The following NHERF1 variants were observed in gnomAD, a reference collection of about 807,000 sequenced individuals.
The protein encoded by NHERF1 is NHERF family PDZ scaffold protein 1.
the NHERF1 span, among the ~76,000 whole-genome samples, chr17:74,752,809 C>T: frequency 2.6e-5 from 4 of 152,238 alleles, no homozygotes; most frequent in Non-Finnish European, 4.4e-5. Context: ...TTTTAATCAT[C>T]TGTTTGTGAC....
At chr17:74,764,808 G>GC in the NHERF1 span, among the ~76,000 whole-genome samples, 3 of 152,180 alleles carry the variant, frequency 2.0e-5, no homozygotes, top group Non-Finnish European at 4.4e-5. The surrounding 1 kb of genome is among the most constrained non-coding windows in gnomAD (Gnocchi z 4.9). Flanking sequence ...AGGGAGGAAT[G>GC]CCCCCCTCTC....
At chr17:74,754,997 A>G in the NHERF1 span, among the ~76,000 whole-genome samples, 2 of 152,178 alleles carry the variant, frequency 1.3e-5, no homozygotes, top group African/African-American at 2.4e-5. Context: ...TAAGGTGGCC[A>G]TGGCGGGTCC....
chr17:74,755,024 C>A, the NHERF1 span, among the ~76,000 whole-genome samples: 1 of 152,178 alleles, frequency 6.6e-6, no homozygotes, highest in African/African-American at 2.4e-5. Flanking sequence ...TCTGAGCTAG[C>A]GACTCCTCCC....
At chr17:74,748,673 C>CCTCGCGG in the NHERF1 span, 3 of 600,568 alleles carry the variant, frequency 5.0e-6, no homozygotes, top group Non-Finnish European at 8.6e-6. The surrounding 1 kb of genome is among the most constrained non-coding windows in gnomAD (Gnocchi z 4.3). Flanking sequence ...TCTCTCGGCT[C>CCTCGCGG]CTCGCGGCTC....
chr17:74,748,871 G>T, the NHERF1 span: 2 of 1,595,550 alleles, frequency 1.3e-6, no homozygotes, highest in Non-Finnish European at 1.7e-6. This position sits in a 1 kb window ranked among gnomAD's most constrained non-coding sequence, Gnocchi z 4.3. Flanking sequence ...AGCGGCCGGG[G>T]CGCCCCTGCC....
chr17:74,767,202 A>T, the NHERF1 span, among the ~76,000 whole-genome samples: 1 of 152,130 alleles, frequency 6.6e-6, no homozygotes, highest in African/African-American at 2.4e-5. Flanking sequence ...GCCCCTCTGC[A>T]GCCCGCCATC....
the NHERF1 span, among the ~76,000 whole-genome samples, chr17:74,749,736 AC>A: frequency 2.0e-5 from 3 of 152,042 alleles, no homozygotes; most frequent in African/African-American, 7.3e-5. The surrounding 1 kb of genome is among the most constrained non-coding windows in gnomAD (Gnocchi z 5.6). Context: ...CGCCACTCCT[AC>A]TTCAAAAGCT....
chr17:74,757,058 T>TACCAGCCTGCTCCATCCCAGGC, the NHERF1 span, among the ~76,000 whole-genome samples: 2 of 152,116 alleles, frequency 1.3e-5, no homozygotes, highest in African/African-American at 4.8e-5. Flanking sequence ...GCAGCCCAGG[T>TACCAGCCTGCTCCATCCCAGGC]ACCAGCCTGC....
At chr17:74,755,842 G>A in the NHERF1 span, among the ~76,000 whole-genome samples, 1 of 152,054 alleles carries the variant, frequency 6.6e-6, no homozygotes, top group African/African-American at 2.4e-5. Flanking sequence ...TGAAGCCATT[G>A]TACAAATAAA....
At chr17:74,761,709 CAG>C in the NHERF1 span, among the ~76,000 whole-genome samples, 1 of 152,206 alleles carries the variant, frequency 6.6e-6, no homozygotes, top group Non-Finnish European at 1.5e-5. The surrounding 1 kb of genome is among the most constrained non-coding windows in gnomAD (Gnocchi z 4.3). Context: ...CTTAGACTGT[CAG>C]AAGGGACAGG....
the NHERF1 span, among the ~76,000 whole-genome samples, chr17:74,759,713 C>T: frequency 2.0e-5 from 3 of 152,358 alleles, no homozygotes; most frequent in Non-Finnish European, 4.4e-5. Context: ...CCCTGTCTGC[C>T]CTCTGCTGCC....
the NHERF1 span, among the ~76,000 whole-genome samples, chr17:74,758,650 A>G: frequency 2.0e-5 from 3 of 152,018 alleles, no homozygotes; most frequent in African/African-American, 7.3e-5. The surrounding 1 kb of genome is among the most constrained non-coding windows in gnomAD (Gnocchi z 4.3). Context: ...TCCTCCCACC[A>G]TGCTTCGGAC....
the NHERF1 span, chr17:74,763,435 C>G: frequency 6.2e-7 from 1 of 1,613,904 alleles, no homozygotes; most frequent in African/African-American, 1.3e-5. Context: ...CTGGCGGGGA[C>G]GAGACCAAGC....
chr17:74,768,972 G>A, the NHERF1 span: 15 of 417,768 alleles, frequency 3.6e-5, no homozygotes, highest in East Asian at 2.5e-4. Flanking sequence ...GGGACCAGGC[G>A]AGAGGGCACC....
the NHERF1 span, chr17:74,768,655 G>T: frequency 1.9e-6 from 3 of 1,613,370 alleles, no homozygotes; most frequent in Non-Finnish European, 2.5e-6. Flanking sequence ...AGCAACCTCT[G>T]AGCGCCCTGC....
the NHERF1 span, chr17:74,768,959 C>T: frequency 2.3e-6 from 1 of 441,374 alleles, no homozygotes. Flanking sequence ...ATGCCAGGAT[C>T]ATGGGACCAG....
the NHERF1 span, chr17:74,768,132 T>C: frequency 6.3e-7 from 1 of 1,587,224 alleles, no homozygotes; most frequent in Non-Finnish European, 8.7e-7. Context: ...CCCACAACCC[T>C]CTCCTCTCTG....
At chr17:74,768,481 A>T in the NHERF1 span, 1,781 of 1,613,948 alleles carry the variant, frequency 1.1e-3, 4 homozygotes, top group South Asian at 2.1e-3. Context: ...AATTCCCAAG[A>T]CAGCCCCCCA....
chr17:74,768,257 G>T, the NHERF1 span: 1 of 1,575,660 alleles, frequency 6.3e-7, no homozygotes. Context: ...CATGCGGGGG[G>T]TGGCAACTGG....
Sources: gnomAD v4.1 joint callset for allele counts (sites outside exome capture counted in the v4.1 genomes callset) on GRCh38, gnomAD v4.1.1 for gene constraint, Gnocchi (gnomAD v3.1) non-coding constraint, MANE v1.5 for transcripts, NCBI Gene and HGNC (gene_info 2026-07-23, HGNC 2026-07-21) for gene names.